TNFRSF11A: variants seen among roughly 807,000 people sequenced by gnomAD.
The protein encoded by TNFRSF11A is TNF receptor superfamily member 11a.
A neutral mutation model predicts 55.7 loss-of-function variants in TNFRSF11A; 32 were observed. The observed-to-expected ratio is 0.57, with a 90% CI of 0.43 to 0.77. The LOEUF (loss-of-function observed/expected upper bound fraction) is 0.77, where lower values mean the gene tolerates loss of function less well. TNFRSF11A is among the 30% of genes least tolerant of loss of function. TNFRSF11A has a pLI of 0.00. For synonymous variants in TNFRSF11A, 311 were observed against 331.0 expected (o/e 0.94, Z 0.65); for missense variants, 753 against 809.8 (o/e 0.93, Z 0.85).
intron 4 of TNFRSF11A, among the ~76,000 whole-genome samples, chr18:62,356,379 G>A (rs1040059654): frequency 6.6e-6 from 1 of 152,140 alleles, no homozygotes; most frequent in Non-Finnish European, 1.5e-5. Context: ...GGTTAAAATG[G>A]ATCTCCCTAT....
At chr18:62,377,478 G>C (rs1910979687) in intron 9 of TNFRSF11A, among the ~76,000 whole-genome samples, 1 of 152,190 alleles carries the variant, frequency 6.6e-6, no homozygotes, top group Non-Finnish European at 1.5e-5. Context: ...GTCTTCCAAA[G>C]CAGCTGTACC....
At chr18:62,358,399 A>G in intron 5 of TNFRSF11A, 58 bp downstream of exon 5, 2 of 1,502,372 alleles carry the variant, frequency 1.3e-6, no homozygotes, top group Admixed American at 3.3e-5. Context: ...CTCAACCTCC[A>G]CTGTCTCGTC....
At position 62,369,301 on chromosome 18, in the gene TNFRSF11A, G is replaced by C. The variant is rs200767929; in HGVS notation, c.1384G>C (p.Gly462Arg). ...TGGGGAGGACTGTGAACCCCTCGTGGGTTCCCCAAAACGTGGACCCTTGCC... is the reference window on the plus strand; with the variant it reads ...TGGGGAGGACTGTGAACCCCTCGTGCGTTCCCCAAAACGTGGACCCTTGCC... ...PPGEDCEPLV[G>R]SPKRGPLPQC... Residue 462 changes from glycine (G) to arginine (R), a missense_variant, in exon 9 of 10, where the codon GGT (glycine) becomes CGT (arginine). By Grantham distance (125) the Gly-to-Arg change is moderately radical. Around this residue, in one of 3 missense-constraint regions of TNFRSF11A, gnomAD observed 567 missense variants for 596.7 expected, o/e 0.95. Coordinates refer to ENST00000586569, the MANE Select transcript of TNFRSF11A (RefSeq NM_003839.4). 4.3e-6 allele frequency: 7 copies of C among 1,611,318 alleles called. No individual in the cohort carries two copies. Among genetic ancestry groups the C allele is most frequent in the Non-Finnish European group, 5.9e-6 (7 of 1,178,742 alleles).
At position 62,369,062 on chromosome 18, in the gene TNFRSF11A, A is replaced by G. The variant is rs200791079; in HGVS notation, c.1145A>G (p.Glu382Gly). ...TTCTCTGAACCCCTGGAGGTGGGGG[A>G]GAATGACAGTTTAAGCCAGTGCTTC... is the stretch of plus-strand genomic sequence containing the variant. Reference protein sequence around the residue: ...PPFSEPLEVGENDSLSQCFTG... With the variant: ...PPFSEPLEVGGNDSLSQCFTG... Residue 382 changes from glutamate to glycine, a missense_variant, in exon 9 of 10, where the codon GAG becomes GGG. Glu to Gly is a moderately conservative substitution (Grantham distance 98, BLOSUM62 -2). Around this residue, in one of 3 missense-constraint regions of TNFRSF11A, gnomAD observed 567 missense variants for 596.7 expected, o/e 0.95. Transcript: ENST00000586569. The G allele has an allele frequency of 3.4e-5, 55 of 1,614,070 alleles. No individual in the cohort carries two copies. The highest frequency in any genetic ancestry group is 4.4e-5 in the Non-Finnish European group (52 of 1,180,026).
At chr18:62,328,744 G>A (rs1196137592) in intron 1 of TNFRSF11A, among the ~76,000 whole-genome samples, 1 of 152,200 alleles carries the variant, frequency 6.6e-6, no homozygotes, top group Non-Finnish European at 1.5e-5. Context: ...TGCCTTGTTT[G>A]GGGAGCACAG....
Position 62,369,300 on chromosome 18 carries a change from G to A in TNFRSF11A, c.1383G>A (p.Val461=). 1.2e-6 allele frequency: 2 copies of A among 1,611,374 alleles called. No individual in the cohort carries two copies. The highest frequency in any genetic ancestry group is 1.7e-6 in the Non-Finnish European group (2 of 1,178,774). The part of the protein sequence containing the change: ...NPPGEDCEPL[V]GSPKRGPLPQ... ...CTGGGGAGGACTGTGAACCCCTCGT[G>A]GGTTCCCCAAAACGTGGACCCTTGC... The change falls in exon 9 of 10, where the codon GTG becomes GTA. Residue 461 remains valine, a synonymous_variant. Transcript: ENST00000586569.
intron 9 of TNFRSF11A, among the ~76,000 whole-genome samples, chr18:62,371,959 T>G (rs1420660916): frequency 2.0e-5 from 3 of 149,646 alleles, no homozygotes; most frequent in Admixed American, 1.4e-4. Flanking sequence ...TGAGAGGATT[T>G]TTTGTTTGTT....
chr18:62,383,985 G>A lies in TNFRSF11A; in HGVS notation c.1568-766G>A, dbSNP rs759172201. Among the ~76,000 whole-genome samples, 4 of 152,010 alleles carry A rather than the reference G, an allele frequency of 2.6e-5. No individual in the cohort carries two copies. Among genetic ancestry groups the A allele is most frequent in the Non-Finnish European group, 5.9e-5 (4 of 68,004 alleles). Reference sequence around the variant, plus strand: ...CACCCACGGTGATGGGGCCTCAGATGTGAGTCCAGAGAGGAGAGCAGACTG... The same window carrying A: ...CACCCACGGTGATGGGGCCTCAGATATGAGTCCAGAGAGGAGAGCAGACTG... On this transcript the variant is annotated intron_variant, in intron 9 of 9. Transcript: ENST00000586569. This position sits in a 1 kb window ranked among gnomAD's most constrained non-coding sequence, Gnocchi z 4.2.
chr18:62,341,419 G>A (rs1382886987), intron 1 of TNFRSF11A, among the ~76,000 whole-genome samples: 1 of 152,222 alleles, frequency 6.6e-6, no homozygotes, highest in East Asian at 1.9e-4. Flanking sequence ...TGGTTTGTGC[G>A]GGAAGATTGT....
At chr18:62,328,409 TACAG>T (rs2046104624) in intron 1 of TNFRSF11A, among the ~76,000 whole-genome samples, 1 of 147,940 alleles carries the variant, frequency 6.8e-6, no homozygotes, top group African/African-American at 2.4e-5. Flanking sequence ...AAAAGAATCT[TACAG>T]AAAGAAAGAA....
At chr18:62,358,434 T>C (rs571522402) in intron 5 of TNFRSF11A, 93 bp downstream of exon 5, 35 of 1,265,794 alleles carry the variant, frequency 2.8e-5, no homozygotes, top group Middle Eastern at 3.8e-4. Flanking sequence ...ACGGATTCTG[T>C]TGGGTTAGGC....
At chr18:62,369,610 C>A in intron 9 of TNFRSF11A, 126 bp downstream of exon 9, 4 of 1,218,402 alleles carry the variant, frequency 3.3e-6, no homozygotes, top group African/African-American at 1.5e-5. Context: ...TGCTTTTTCT[C>A]TTAATAAGCA....
intron 9 of TNFRSF11A, among the ~76,000 whole-genome samples, chr18:62,381,374 AAAC>A (rs1765579045): frequency 1.3e-5 from 2 of 152,250 alleles, no homozygotes; most frequent in Non-Finnish European, 2.9e-5. Context: ...AGAAAGAAGT[AAAC>A]AACAATGGAT....
chr18:62,326,452 G>T (rs2046077525), intron 1 of TNFRSF11A, among the ~76,000 whole-genome samples: 1 of 152,190 alleles, frequency 6.6e-6, no homozygotes, highest in Non-Finnish European at 1.5e-5. Flanking sequence ...TGAGGGAAAC[G>T]AAGGCGGAAA....
At chr18:62,345,127 C>A (rs1260504164) in intron 1 of TNFRSF11A, among the ~76,000 whole-genome samples, 1 of 152,092 alleles carries the variant, frequency 6.6e-6, no homozygotes, top group East Asian at 1.9e-4. Flanking sequence ...GCTCACCAGG[C>A]GATTTGTTGC....
intron 5 of TNFRSF11A, 132 bp from the exon 6 acceptor site, chr18:62,359,823 G>A (rs1909537369): frequency 1.3e-6 from 1 of 757,824 alleles, no homozygotes; most frequent in African/African-American, 1.7e-5. Context: ...AAGGCACAGG[G>A]GATTCAAATG....
rs571054830 is a variant in TNFRSF11A, at chr18:62,367,888, G to T, written c.784-813G>T. ...GGCTCACTGCAACCTCTGCCTCCCA[G>T]GTTCAAGCGATTCTTCTGCCTCAGC... is the stretch of plus-strand genomic sequence containing the variant. On this transcript the variant is annotated intron_variant, in intron 8 of 9. Coordinates refer to ENST00000586569, the MANE Select transcript of TNFRSF11A (RefSeq NM_003839.4). 7.3e-4 allele frequency among the ~76,000 whole-genome samples: 102 copies of T among 140,422 alleles called. No homozygotes were observed. In the Middle Eastern group the frequency reaches 0.012, roughly 16 times the overall value. The allele number at this position is 140,422 out of a possible 152,430, so 92.1% of individuals were successfully genotyped here.
chr18:62,338,519 T>A (rs2046266090), intron 1 of TNFRSF11A, among the ~76,000 whole-genome samples: 1 of 152,158 alleles, frequency 6.6e-6, no homozygotes. Context: ...CATAATACAA[T>A]ATGGATGAAC....
In TNFRSF11A at chr18:62,384,654, G is replaced by C. The variant is rs1433067227; in HGVS notation, c.1568-97G>C. ...TGTGGCCCCGGGCTGTGGGAATCCG[G>C]GGAGCCGCCCTCCACTCCCCGGAAC... On this transcript the variant is annotated intron_variant, in intron 9 of 9. Coordinates refer to ENST00000586569, the MANE Select transcript of TNFRSF11A (RefSeq NM_003839.4). 6.8e-6 allele frequency: 10 copies of C among 1,464,640 alleles called. No homozygotes were observed. In the East Asian group the frequency reaches 2.0e-4, roughly 29 times the overall value. The allele number at this position is 1,464,640 out of a possible 1,614,324, so 90.7% of individuals were successfully genotyped here. A position where few individuals can be genotyped will look rare whatever the true frequency, so the allele number is the denominator to read the frequency against.
Sources: allele counts gnomAD v4.1 joint callset (sites outside exome capture counted in the v4.1 genomes callset), GRCh38; gene constraint gnomAD v4.1.1; regional missense constraint gnomAD v4.1.1; non-coding constraint Gnocchi (gnomAD v3.1); transcripts MANE v1.5; gene names NCBI Gene and HGNC (gene_info 2026-07-23, HGNC 2026-07-21).